Variants in CSMD3 observed in about 807,000 individuals in gnomAD.
CSMD3 encodes CUB and Sushi multiple domains 3.
CSMD3 carries 177 observed loss-of-function variants against 435.2 expected under a neutral mutation model. That is an observed-to-expected ratio of 0.41 (90% CI 0.36 to 0.46). The LOEUF is 0.46. Among genes scored for constraint, CSMD3 ranks in the 20% least tolerant of loss-of-function variants. The pLI, the probability that CSMD3 is intolerant of heterozygous loss-of-function variation, is 0.34. For missense variants in CSMD3, 4,265 were observed against 4,504.6 expected, an observed-to-expected ratio of 0.95 and a Z score of 1.52; for synonymous variants, 1,656 against 1,520.5, an observed-to-expected ratio of 1.09 and a Z score of -2.07.
chr8:112,626,547 TA>T (rs370142880), intron 22 of CSMD3, among the ~76,000 whole-genome samples: 1 of 151,800 alleles, frequency 6.6e-6, no homozygotes, highest in East Asian at 1.9e-4. Flanking sequence ...ATTTTATTTT[TA>T]AAAAATGGAA....
At chr8:113,109,925 T>G (rs770069079) in intron 4 of CSMD3, among the ~76,000 whole-genome samples, 16 of 152,060 alleles carry the variant, frequency 1.1e-4, no homozygotes, top group Non-Finnish European at 2.2e-4. Flanking sequence ...CCCATGTCGT[T>G]CTAGGACCCA....
At chr8:112,442,147 A>T (rs2130511741) in intron 32 of CSMD3, among the ~76,000 whole-genome samples, 1 of 152,284 alleles carries the variant, frequency 6.6e-6, no homozygotes, top group Middle Eastern at 3.4e-3. Flanking sequence ...AAGAGAGAGG[A>T]GGTAGAGGTG....
Position 112,492,583 on chromosome 8 carries a change from A to T in CSMD3, c.5184T>A (p.Asp1728Glu), listed in dbSNP as rs1820807214. ...AATAACCTTGAAGAACATAACCAGC[A>T]TCACAGTAATAGGTGACTGTTGACC... is the stretch of plus-strand genomic sequence containing the variant. ...KLGSTVTYYCDAGYVLQGYST... is the reference protein window; with the variant it reads ...KLGSTVTYYCEAGYVLQGYST... The change falls in exon 31 of 71, where the codon GAT becomes GAA. Residue 1728 changes from aspartate (D) to glutamate (E), a missense_variant. Physicochemically the swap from Asp to Glu is conservative, Grantham distance 45. Transcript: ENST00000297405. The T allele has an allele frequency of 1.2e-6, 2 of 1,613,270 alleles. No individual in the cohort carries two copies. The highest frequency in any genetic ancestry group is 1.7e-5 in the Admixed American group (1 of 59,998).
At chr8:112,586,894 AC>A (rs1830773539) in intron 23 of CSMD3, among the ~76,000 whole-genome samples, 171 bp downstream of exon 23, 1 of 151,674 alleles carries the variant, frequency 6.6e-6, no homozygotes. Context: ...TTCAATGAAA[AC>A]AATAATAGAA....
At chr8:112,634,789 G>T (rs1368952920) in intron 22 of CSMD3, among the ~76,000 whole-genome samples, 1 of 151,520 alleles carries the variant, frequency 6.6e-6, no homozygotes, top group Non-Finnish European at 1.5e-5. Context: ...CATGTATTCG[G>T]TTACTCTGAG....
intron 5 of CSMD3, among the ~76,000 whole-genome samples, chr8:113,096,644 G>C (rs2090170981): frequency 6.6e-6 from 1 of 151,992 alleles, no homozygotes; most frequent in Non-Finnish European, 1.5e-5. Context: ...GTAAAAGACA[G>C]ATGAATCTTG....
chr8:112,796,467 T>C (rs2078831199), intron 13 of CSMD3, among the ~76,000 whole-genome samples: 1 of 152,052 alleles, frequency 6.6e-6, no homozygotes, highest in African/African-American at 2.4e-5. Flanking sequence ...TAATCAGATT[T>C]AATGAGTTAA....
chr8:113,334,020 A>C, intron 1 of CSMD3, among the ~76,000 whole-genome samples: 1 of 151,764 alleles, frequency 6.6e-6, no homozygotes, highest in East Asian at 1.9e-4. Context: ...AGTATTTTAT[A>C]TTTTCTTAAT....
chr8:112,310,877 A>G (rs1216175856), intron 50 of CSMD3, 101 bp downstream of exon 50: 2 of 959,174 alleles, frequency 2.1e-6, no homozygotes, highest in Non-Finnish European at 1.7e-6. Flanking sequence ...TATGCTTCCG[A>G]ATATTTCCAT....
chr8:112,336,294 T>C (rs955607236), intron 44 of CSMD3, among the ~76,000 whole-genome samples: 20 of 152,278 alleles, frequency 1.3e-4, no homozygotes, highest in African/African-American at 4.8e-4. Flanking sequence ...CTAGTTATAT[T>C]AAATAATTAT....
chr8:113,416,729 T>C (rs1477479633), intron 1 of CSMD3, among the ~76,000 whole-genome samples: 2 of 152,118 alleles, frequency 1.3e-5, no homozygotes, highest in Non-Finnish European at 2.9e-5. Flanking sequence ...AAATTATTAG[T>C]GAATTATAAA....
chr8:112,342,341 G>A (rs1825205075), intron 41 of CSMD3, among the ~76,000 whole-genome samples: 1 of 151,960 alleles, frequency 6.6e-6, no homozygotes, highest in Non-Finnish European at 1.5e-5. Flanking sequence ...ACAGTGAAAT[G>A]TCTCTGGGAT....
intron 32 of CSMD3, among the ~76,000 whole-genome samples, chr8:112,433,423 A>G (rs1813938580): frequency 2.0e-5 from 3 of 151,772 alleles, no homozygotes; most frequent in South Asian, 4.2e-4. Context: ...TGTGAGACCA[A>G]TCCAGGAGGA....
In CSMD3 at chr8:112,304,773, T is replaced by C. The variant is rs754030977; in HGVS notation, c.8214A>G (p.Glu2738=). The change falls in exon 52 of 71, where the codon GAA becomes GAG. Residue 2738 remains glutamate (E), a synonymous_variant. Coordinates refer to ENST00000297405, the MANE Select transcript of CSMD3 (RefSeq NM_198123.2). ...AACTCCAAGTACCATTAGGAAGACA[T>C]TCGATGGAGGCAGGACCTAGTCCAT... ...GYHGLGPASI[E]CLPNGTWSWR... The C allele has an allele frequency of 5.6e-6, 9 of 1,613,736 alleles. No individual in the cohort carries two copies. In the African/African-American group the frequency reaches 8.0e-5, roughly 14 times the overall value.
At chr8:112,453,057 G>T (rs894890009) in intron 32 of CSMD3, among the ~76,000 whole-genome samples, 4 of 152,074 alleles carry the variant, frequency 2.6e-5, no homozygotes, top group African/African-American at 7.2e-5. Flanking sequence ...TGGTAAAAAG[G>T]CAAGAAGCTG....
intron 32 of CSMD3, among the ~76,000 whole-genome samples, chr8:112,420,451 T>C (rs1812356215): frequency 6.6e-6 from 1 of 152,200 alleles, no homozygotes. Context: ...AACTATTTCT[T>C]GTTCCGATTT....
intron 19 of CSMD3, among the ~76,000 whole-genome samples, chr8:112,645,763 C>G (rs78976124): frequency 0.057 from 8,740 of 152,090 alleles, 364 homozygotes; most frequent in Middle Eastern, 0.16. Context: ...AATAAGCTAA[C>G]TATCTGAGGT....
intron 35 of CSMD3, among the ~76,000 whole-genome samples, chr8:112,392,811 CAA>C (rs1830537943): frequency 6.7e-6 from 1 of 150,154 alleles, no homozygotes; most frequent in South Asian, 2.1e-4. Context: ...GAAAATCCTT[CAA>C]AAATTTCCCC....
At chr8:112,985,048 C>T (rs1378064556) in intron 6 of CSMD3, among the ~76,000 whole-genome samples, 3 of 139,064 alleles carry the variant, frequency 2.2e-5, no homozygotes, top group African/African-American at 7.9e-5. Flanking sequence ...AATCTTCACC[C>T]ATGTCTTTCA....
Sources: allele counts gnomAD v4.1 joint callset (sites outside exome capture counted in the v4.1 genomes callset), GRCh38; gene constraint gnomAD v4.1.1; transcripts MANE v1.5; gene names NCBI Gene and HGNC (gene_info 2026-07-23, HGNC 2026-07-21).